SRP14: variants seen among roughly 807,000 people sequenced by gnomAD.
SRP14 encodes signal recognition particle 14 kDa protein.
A neutral mutation model predicts 16.0 loss-of-function variants in SRP14; 1 was observed. That is an observed-to-expected ratio of 0.06 (90% CI 0.02 to 0.30). SRP14 has a LOEUF of 0.30. SRP14 is among the 10% of genes least tolerant of loss of function. The pLI, the probability that SRP14 is intolerant of heterozygous loss-of-function variation, is 1.00. For synonymous variants in SRP14, 67 were observed against 60.1 expected (o/e 1.12, Z -0.53); for missense variants, 120 against 163.1 (o/e 0.74, Z 1.44).
rs188839547 is a variant in SRP14 at position 40,036,566 on chromosome 15, C to G, written c.244-66G>C. 49 of 1,525,454 alleles carry G rather than the reference C, an allele frequency of 3.2e-5. No individual in the cohort carries two copies. In the Admixed American group the frequency reaches 3.5e-4, roughly 11 times the overall value. The allele number at this position is 1,525,454 out of a possible 1,614,324, so 94.5% of individuals were successfully genotyped here. On this transcript the variant is annotated intron_variant, in intron 4 of 4. Transcript: ENST00000267884. ...CAAACTGGCAGAACACCAGCCCTAT[C>G]TGCATAATGGATTTAGGGTAGCCAA...
In SRP14 at chr15:40,038,925, A is replaced by G. The variant is rs188120352; in HGVS notation, c.48T>C (p.Leu16=). ...SEQFLTELTR[L]FQKCRTSGSV... is the part of the protein sequence containing the mutation. ...TGCCCGACGTCCGGCACTTCTGGAA[A>G]AGTCTGGTCAGCTCCGTCAGGAACT... is the stretch of plus-strand genomic sequence containing the variant. The change falls in exon 2 of 5, where the codon CTT becomes CTC. Residue 16 remains leucine (L), a synonymous_variant. Coordinates refer to ENST00000267884, the MANE Select transcript of SRP14 (RefSeq NM_003134.6). 6 of 1,612,926 alleles carry G rather than the reference A, an allele frequency of 3.7e-6. No individual in the cohort carries two copies. Among genetic ancestry groups the G allele is most frequent in the Non-Finnish European group, 5.1e-6 (6 of 1,179,574 alleles).
At chr15:40,038,167 A>G in intron 3 of SRP14, 115 bp downstream of exon 3, 1 of 798,088 alleles carries the variant, frequency 1.3e-6, no homozygotes, top group Non-Finnish European at 2.1e-6. Context: ...GGTCTCAAAA[A>G]TAGCCACACA....
Position 40,039,120 on chromosome 15 carries a change from G to T in SRP14, c.-4C>A. 1 of 1,611,066 alleles carries T rather than the reference G, an allele frequency of 6.2e-7. No individual in the cohort carries two copies. The highest frequency in any genetic ancestry group is 1.1e-5 in the South Asian group (1 of 90,556). On this transcript the variant is annotated 5_prime_UTR_variant, in exon 1 of 5. Coordinates refer to ENST00000267884, the MANE Select transcript of SRP14 (RefSeq NM_003134.6). ...GCTCGCTCTCCAACAACACCATCGC[G>T]GCGACGCTGGCTCGACTCCCTCCGC...
At position 40,036,014 on chromosome 15, in the gene SRP14, G is replaced by C; in HGVS notation, c.*319C>G. ...GTTATTGCCAGAACTATTAAAATGG[G>C]TTGGGAAAGGAATAAAGAGACAGTG... On this transcript the variant is annotated 3_prime_UTR_variant, in exon 5 of 5. Coordinates refer to ENST00000267884, the MANE Select transcript of SRP14 (RefSeq NM_003134.6). 1 of 333,842 alleles carries C rather than the reference G, an allele frequency of 3.0e-6. No individual in the cohort carries two copies. The allele number at this position is 333,842 out of a possible 1,614,324, so 20.7% of individuals were successfully genotyped here.
At position 40,036,507 on chromosome 15, in the gene SRP14, G is replaced by T; in HGVS notation, c.244-7C>A. 6.2e-7 allele frequency: 1 copy of T among 1,613,128 alleles called. No homozygotes were observed. Among genetic ancestry groups the T allele is most frequent in the Non-Finnish European group, 8.5e-7 (1 of 1,179,264 alleles). ...TAAGGAGGTTTGAATAAGCCTGAAAGATACAACAGAGCATACCTTAGTGGG... is the reference window on the plus strand; with the variant it reads ...TAAGGAGGTTTGAATAAGCCTGAAATATACAACAGAGCATACCTTAGTGGG... On this transcript the variant is annotated splice_region_variant and splice_polypyrimidine_tract_variant and intron_variant, in intron 4 of 4. Transcript: ENST00000267884.
chr15:40,038,852 C>T (rs1368257938), intron 2 of SRP14, 24 bp downstream of exon 2: 2 of 1,612,582 alleles, frequency 1.2e-6, no homozygotes, highest in Non-Finnish European at 8.5e-7. Flanking sequence ...GGGAGCATCG[C>T]CCGGCTCCCC....
In SRP14 at chr15:40,039,090, T is replaced by A. The variant is rs774778643; in HGVS notation, c.24+3A>T. The A allele has an allele frequency of 5.0e-5, 80 of 1,612,494 alleles. No individual in the cohort carries two copies. In the South Asian group the frequency reaches 7.9e-4, roughly 16 times the overall value. On this transcript the variant is annotated splice_donor_region_variant and intron_variant, in intron 1 of 4. Coordinates refer to ENST00000267884, the MANE Select transcript of SRP14 (RefSeq NM_003134.6). The stretch of plus-strand genomic sequence containing the variant: ...TCCCTCGGCCGGCCAGGCCTAGCCA[T>A]ACCTGCTCGCTCTCCAACAACACCA...
rs772472361 is a variant in SRP14 at position 40,036,346 on chromosome 15, G to A, written c.398C>T (p.Thr133Ile). 1 of 1,612,150 alleles carries A rather than the reference G, an allele frequency of 6.2e-7. No homozygotes were observed. The highest frequency in any genetic ancestry group is 8.5e-7 in the Non-Finnish European group (1 of 1,179,404). Residue 133 changes from threonine to isoleucine, a missense_variant, in exon 5 of 5, where the codon ACA becomes ATA. Coordinates refer to ENST00000267884, the MANE Select transcript of SRP14 (RefSeq NM_003134.6). ...AATGTATGCCCTTTACTGTGCTGCT[G>A]TTGCTGCTGTTGTTGCTGCTGTTGT... The part of the protein sequence containing the change: ...APTTAATTAA[T>I]AAQ
Position 40,038,846 on chromosome 15 carries a change from G to GC in SRP14, c.97+29dup, listed in dbSNP as rs779801594. 4 of 1,610,610 alleles carry GC rather than the reference G, an allele frequency of 2.5e-6. No individual in the cohort carries two copies. The African/African-American group carries it at 5.3e-5, about 22-fold the overall frequency. Reference sequence around the variant, plus strand: ...CTCCCAGACACCGGGAACCCAGGGAGCATCGCCCGGCTCCCCTCCCGCTGC... The same window carrying GC: ...CTCCCAGACACCGGGAACCCAGGGAGCCATCGCCCGGCTCCCCTCCCGCTGC... On this transcript the variant is annotated intron_variant, in intron 2 of 4. Coordinates refer to ENST00000267884, the MANE Select transcript of SRP14 (RefSeq NM_003134.6).
rs1436996658 is a variant in SRP14 at position 40,036,051 on chromosome 15, A to G, written c.*282T>C. 2.1e-6 allele frequency: 1 copy of G among 470,846 alleles called. No homozygotes were observed. Among genetic ancestry groups the G allele is most frequent in the African/African-American group, 1.9e-5 (1 of 51,354 alleles). 29.2% of individuals were successfully genotyped at this position (470,846 alleles called of 1,614,324 possible). On this transcript the variant is annotated 3_prime_UTR_variant, in exon 5 of 5. Coordinates refer to ENST00000267884, the MANE Select transcript of SRP14 (RefSeq NM_003134.6). ...ATAAAGAGACAGTGCTGATAAACAG[A>G]CATGTTTAATGATAGCTTGCTCTTC...
intron 3 of SRP14, 39 bp from the exon 4 acceptor site, chr15:40,037,057 A>G: frequency 6.2e-7 from 1 of 1,606,026 alleles, no homozygotes; most frequent in Non-Finnish European, 8.5e-7. Flanking sequence ...CCTATTATCC[A>G]TATAAGCATC....
intron 2 of SRP14, 68 bp downstream of exon 2, chr15:40,038,808 C>A: frequency 6.4e-7 from 1 of 1,557,982 alleles, no homozygotes; most frequent in Non-Finnish European, 8.8e-7. Flanking sequence ...CCGCGGCAGA[C>A]AGACTCCGGT....
At chr15:40,036,799 CT>C in intron 4 of SRP14, 186 bp downstream of exon 4, 1 of 702,758 alleles carries the variant, frequency 1.4e-6, no homozygotes, top group Non-Finnish European at 2.4e-6. Context: ...CAAAATCTAA[CT>C]TAAAAAAACT....
chr15:40,037,889 A>G (rs1008056468), intron 3 of SRP14, among the ~76,000 whole-genome samples: 2 of 152,256 alleles, frequency 1.3e-5, no homozygotes, highest in African/African-American at 4.8e-5. Context: ...TGTCAAACCT[A>G]ACATCTAGCT....
chr15:40,039,009 G>A (rs1273668516), intron 1 of SRP14, 61 bp from the exon 2 acceptor site: 1 of 1,605,644 alleles, frequency 6.2e-7, no homozygotes, highest in Non-Finnish European at 8.5e-7. Context: ...GCCGCGTCAA[G>A]GCCCTGGTCC....
rs1408865188 is a variant in SRP14 at position 40,037,066 on chromosome 15, T to G, written c.211-48A>C. The G allele has an allele frequency of 3.1e-6, 5 of 1,593,532 alleles. No individual in the cohort carries two copies. The South Asian group carries it at 5.6e-5, about 18-fold the overall frequency. On this transcript the variant is annotated intron_variant, in intron 3 of 4. Coordinates refer to ENST00000267884, the MANE Select transcript of SRP14 (RefSeq NM_003134.6). Reference sequence around the variant, plus strand: ...GTCATACCTATTATCCATATAAGCATCCTCTTCTCCACCCCAGATAGTATC... The same window carrying G: ...GTCATACCTATTATCCATATAAGCAGCCTCTTCTCCACCCCAGATAGTATC...
rs763024382 is a variant in SRP14 at position 40,036,969 on chromosome 15, G to A, written c.243+17C>T. On this transcript the variant is annotated intron_variant, in intron 4 of 4. Transcript: ENST00000267884. ...CTTGCCCTGAGAAGGGAAACATAAG[G>A]AACACCCAAAACTCACCATCTGAAA... 1.6e-5 allele frequency: 26 copies of A among 1,613,654 alleles called. No individual in the cohort carries two copies. Among genetic ancestry groups the A allele is most frequent in the Non-Finnish European group, 1.9e-5 (23 of 1,179,910 alleles).
At chr15:40,037,323 T>A (rs2035642548) in intron 3 of SRP14, 1 of 1,291,458 alleles carries the variant, frequency 7.7e-7, no homozygotes, top group Non-Finnish European at 1.0e-6. Context: ...TGAAATCCCT[T>A]AGAAAGGTGG....
At chr15:40,036,532 G>A in intron 4 of SRP14, 32 bp from the exon 5 acceptor site, 1 of 1,599,546 alleles carries the variant, frequency 6.3e-7, no homozygotes. Flanking sequence ...ACCTTAGTGG[G>A]AAGATGTGCA....
Sources: gnomAD v4.1 joint callset for allele counts (sites outside exome capture counted in the v4.1 genomes callset) on GRCh38, gnomAD v4.1.1 for gene constraint, MANE v1.5 for transcripts, NCBI Gene and HGNC (gene_info 2026-07-23, HGNC 2026-07-21) for gene names.